The following DYNLT5 variants were observed in gnomAD, a reference collection of about 807,000 sequenced individuals.
DYNLT5 encodes the protein dynein light chain Tctex-type family member 5.
DYNLT5 carries 25 observed loss-of-function variants against 19.3 expected under a neutral mutation model. The ratio of observed to expected loss-of-function variants is 1.30; its 90% CI spans 0.95 to 1.81. The LOEUF is 1.81. Among genes scored for constraint, DYNLT5 ranks in the 40% most tolerant of loss-of-function variants. The pLI is 0.00. For missense variants in DYNLT5, 232 were observed against 217.9 expected (o/e 1.06, Z -0.41); for synonymous variants, 82 against 68.9 (o/e 1.19, Z -0.94).
chr1:66,753,657 A>C (rs1033397327), intron 1 of DYNLT5, among the ~76,000 whole-genome samples: 1 of 152,150 alleles, frequency 6.6e-6, no homozygotes, highest in Non-Finnish European at 1.5e-5. Flanking sequence ...TATTTTTTAA[A>C]GTCATGGTGG....
At position 66,778,697 on chromosome 1, in the gene DYNLT5, T is replaced by G. The variant is rs1267662537; in HGVS notation, c.*1243T>G. ...TTAAAATGTTTTGGTGTCTTACTTT[T>G]CCCTAAAAATGACATGTAGTAAAAA... On this transcript the variant is annotated 3_prime_UTR_variant, in exon 5 of 5. Transcript: ENST00000282670. The G allele has an allele frequency of 6.6e-6, 1 of 152,608 alleles. No individual in the cohort carries two copies. The highest frequency in any genetic ancestry group is 6.5e-5 in the Admixed American group (1 of 15,284). The allele number at this position is 152,608 out of a possible 1,614,324, so 9.5% of individuals were successfully genotyped here.
At position 66,776,077 on chromosome 1, in the gene DYNLT5, G is replaced by A. The variant is rs933162101; in HGVS notation, c.212-202G>A. On this transcript the variant is annotated intron_variant, in intron 3 of 4. Coordinates refer to ENST00000282670, the MANE Select transcript of DYNLT5 (RefSeq NM_152665.3). ...TTGAACACACTTTTGAGATAGTCACGTAAATGTACGAAAATATTGTCTTCT... is the reference window on the plus strand; with the variant it reads ...TTGAACACACTTTTGAGATAGTCACATAAATGTACGAAAATATTGTCTTCT... The A allele has an allele frequency of 3.1e-5, 16 of 521,444 alleles. No individual in the cohort carries two copies. The East Asian group carries it at 4.5e-4, about 15-fold the overall frequency. The allele number at this position is 521,444 out of a possible 1,614,324, so 32.3% of individuals were successfully genotyped here. A position where few individuals can be genotyped will look rare whatever the true frequency, so the allele number is the denominator to read the frequency against.
intron 3 of DYNLT5, among the ~76,000 whole-genome samples, chr1:66,772,322 G>A (rs1165547111): frequency 6.6e-6 from 1 of 152,204 alleles, no homozygotes; most frequent in Non-Finnish European, 1.5e-5. Context: ...TGGCAAGAGA[G>A]GGAACAAGAG....
rs1033958622 is a variant in DYNLT5, at chr1:66,778,984, G to A, written c.*1530G>A. Reference sequence around the variant, plus strand: ...ACATCTCCCTTCGTGGAACAACAGCGGGGGTAATCATATCACTAATTTTGT... The same window carrying A: ...ACATCTCCCTTCGTGGAACAACAGCAGGGGTAATCATATCACTAATTTTGT... On this transcript the variant is annotated 3_prime_UTR_variant, in exon 5 of 5. Transcript: ENST00000282670. Among the ~76,000 whole-genome samples, 4 of 152,102 alleles carry A rather than the reference G, an allele frequency of 2.6e-5. No homozygotes were observed. The highest frequency in any genetic ancestry group is 7.2e-5 in the African/African-American group (3 of 41,406).
At chr1:66,760,347 T>C (rs1302417481) in intron 2 of DYNLT5, among the ~76,000 whole-genome samples, 1 of 152,170 alleles carries the variant, frequency 6.6e-6, no homozygotes, top group Non-Finnish European at 1.5e-5. Context: ...GCCTGGCATA[T>C]AATAGTCACT....
intron 2 of DYNLT5, among the ~76,000 whole-genome samples, chr1:66,761,738 A>G (rs938733271): frequency 6.6e-6 from 1 of 152,174 alleles, no homozygotes. Flanking sequence ...TGATCATACC[A>G]CTATACTCCA....
intron 2 of DYNLT5, among the ~76,000 whole-genome samples, chr1:66,758,470 C>T (rs949236318): frequency 3.3e-5 from 5 of 152,194 alleles, no homozygotes; most frequent in African/African-American, 4.8e-5. Flanking sequence ...AACATTCTCT[C>T]CTTTGCCTCA....
chr1:66,775,601 G>T (rs1402079855), intron 3 of DYNLT5: 1 of 152,212 alleles, frequency 6.6e-6, no homozygotes, highest in African/African-American at 2.4e-5. Flanking sequence ...ATATCAAGTG[G>T]ATTAGGAGCC....
chr1:66,769,568 T>C (rs888514993), intron 2 of DYNLT5, among the ~76,000 whole-genome samples: 2 of 151,960 alleles, frequency 1.3e-5, no homozygotes, highest in Middle Eastern at 3.2e-3. Flanking sequence ...CATGCTATTA[T>C]ATCCTCCCCT....
chr1:66,767,888 C>G (rs1426615643), intron 2 of DYNLT5, among the ~76,000 whole-genome samples: 9 of 152,116 alleles, frequency 5.9e-5, no homozygotes. Flanking sequence ...TTCCACACAA[C>G]AGTTCCACTT....
intron 3 of DYNLT5, among the ~76,000 whole-genome samples, chr1:66,773,960 G>A (rs1303868251): frequency 6.6e-6 from 1 of 152,132 alleles, no homozygotes; most frequent in Non-Finnish European, 1.5e-5. Flanking sequence ...ATGTTTAGGG[G>A]AAAGGTAACA....
intron 2 of DYNLT5, among the ~76,000 whole-genome samples, chr1:66,759,047 G>A (rs1250963986): frequency 6.6e-6 from 1 of 152,102 alleles, no homozygotes; most frequent in Non-Finnish European, 1.5e-5. Flanking sequence ...AACTGAAATG[G>A]CCATGTTTCC....
chr1:66,755,028 C>T (rs2094633713), intron 2 of DYNLT5, among the ~76,000 whole-genome samples: 1 of 152,134 alleles, frequency 6.6e-6, no homozygotes, highest in Admixed American at 6.5e-5. Context: ...AAAGAAACAC[C>T]ACATGCAATG....
chr1:66,755,850 G>A (rs568733282), intron 2 of DYNLT5: 1 of 152,234 alleles, frequency 6.6e-6, no homozygotes, highest in African/African-American at 2.4e-5. Flanking sequence ...AAGTGCAAGG[G>A]TTATTTTTTA....
chr1:66,776,552 T>TGGGG (rs1167831216), intron 4 of DYNLT5, 149 bp downstream of exon 4: 1 of 740,018 alleles, frequency 1.4e-6, no homozygotes, highest in African/African-American at 2.2e-5. Context: ...CATATATGTG[T>TGGGG]GTGTGTGGGT....
At chr1:66,764,244 C>A (rs1212819492) in intron 2 of DYNLT5, among the ~76,000 whole-genome samples, 1 of 152,126 alleles carries the variant, frequency 6.6e-6, no homozygotes, top group Non-Finnish European at 1.5e-5. Flanking sequence ...CACAACTTGA[C>A]TAATTGTTGG....
intron 2 of DYNLT5, among the ~76,000 whole-genome samples, chr1:66,765,133 T>G (rs2094652482): frequency 6.6e-6 from 1 of 152,140 alleles, no homozygotes; most frequent in Non-Finnish European, 1.5e-5. Flanking sequence ...ATGTACAAAT[T>G]TATACCCTGA....
At chr1:66,769,872 A>C (rs974883468) in intron 2 of DYNLT5, among the ~76,000 whole-genome samples, 2 of 152,092 alleles carry the variant, frequency 1.3e-5, no homozygotes, top group African/African-American at 2.4e-5. Context: ...CACGTAGATG[A>C]GTTTCTCATT....
At chr1:66,766,079 C>A (rs1311653503) in intron 2 of DYNLT5, among the ~76,000 whole-genome samples, 4 of 152,178 alleles carry the variant, frequency 2.6e-5, no homozygotes, top group African/African-American at 9.7e-5. Context: ...GCCAGACTTT[C>A]TTTTATTACA....
Sources: gnomAD v4.1 joint callset for allele counts (sites outside exome capture counted in the v4.1 genomes callset) on GRCh38, gnomAD v4.1.1 for gene constraint, MANE v1.5 for transcripts, NCBI Gene and HGNC (gene_info 2026-07-23, HGNC 2026-07-21) for gene names.